The following TSHR variants were observed in gnomAD, a reference collection of about 807,000 sequenced individuals.
TSHR encodes thyroid stimulating hormone receptor.
A neutral mutation model predicts 64.1 loss-of-function variants in TSHR; 51 were observed. That is an observed-to-expected ratio of 0.80 (90% CI 0.64 to 1.01). The LOEUF is 1.01. Ranked by LOEUF, TSHR falls within the 50% of genes least tolerant of loss-of-function variation. The pLI is 0.00. For missense variants in TSHR, 877 were observed against 942.8 expected, an observed-to-expected ratio of 0.93 and a Z score of 0.91; for synonymous variants, 361 against 361.9, an observed-to-expected ratio of 1.00 and a Z score of 0.03.
intron 2 of TSHR, among the ~76,000 whole-genome samples, chr14:81,063,063 G>C (rs1886354874): frequency 6.6e-6 from 1 of 152,148 alleles, no homozygotes; most frequent in Non-Finnish European, 1.5e-5. Context: ...ACATTCTACA[G>C]TTCATAGGAC....
At chr14:81,039,603 T>C (rs1411993627) in intron 1 of TSHR, among the ~76,000 whole-genome samples, 1 of 151,720 alleles carries the variant, frequency 6.6e-6, no homozygotes, top group Non-Finnish European at 1.5e-5. Flanking sequence ...CTATTAGAAC[T>C]AATAAACAAA....
At chr14:81,047,337 C>A (rs1467428722) in intron 1 of TSHR, among the ~76,000 whole-genome samples, 2 of 152,080 alleles carry the variant, frequency 1.3e-5, no homozygotes, top group Non-Finnish European at 2.9e-5. Context: ...CACACACACA[C>A]CCCTCCCCCA....
chr14:80,974,837 T>A (rs762033302), intron 1 of TSHR, among the ~76,000 whole-genome samples: 2 of 152,180 alleles, frequency 1.3e-5, no homozygotes, highest in Non-Finnish European at 2.9e-5. Context: ...AAATATCTGG[T>A]ATAAAGCTAT....
intron 7 of TSHR, chr14:81,104,805 AT>A: frequency 1.0e-6 from 1 of 985,416 alleles, no homozygotes; most frequent in Non-Finnish European, 1.2e-6. Context: ...ATGTATGGAA[AT>A]CTGACATCTC....
At chr14:81,057,050 G>A (rs571267098) in intron 1 of TSHR, among the ~76,000 whole-genome samples, 1 of 152,294 alleles carries the variant, frequency 6.6e-6, no homozygotes, top group Admixed American at 6.5e-5. Flanking sequence ...TATGCTTGCT[G>A]TATTCTTTCA....
At chr14:81,033,126 C>A in intron 1 of TSHR, 1 of 363,552 alleles carries the variant, frequency 2.8e-6, no homozygotes. Context: ...AGAAATTCAT[C>A]TATGAATCTG....
chr14:81,128,341 C>T (rs1262527883), intron 8 of TSHR, among the ~76,000 whole-genome samples: 2 of 152,084 alleles, frequency 1.3e-5, no homozygotes, highest in South Asian at 2.1e-4. Flanking sequence ...GTAAGTCCCC[C>T]GAGGTCACCT....
chr14:81,108,151 G>A (rs923078614), intron 7 of TSHR, among the ~76,000 whole-genome samples: 1 of 151,966 alleles, frequency 6.6e-6, no homozygotes, highest in African/African-American at 2.4e-5. Context: ...TCATAAACAT[G>A]CTCATTTTCA....
intron 1 of TSHR, among the ~76,000 whole-genome samples, chr14:80,958,601 G>C (rs913404952): frequency 5.3e-5 from 8 of 152,194 alleles, no homozygotes; most frequent in Admixed American, 3.3e-4. Context: ...GAGAGTGGAA[G>C]AGAGGCAAGG....
intron 8 of TSHR, among the ~76,000 whole-genome samples, chr14:81,111,785 C>T (rs1199600480): frequency 5.3e-5 from 8 of 152,030 alleles, no homozygotes; most frequent in African/African-American, 1.5e-4. Flanking sequence ...TATTATAATG[C>T]CCAAAACACA....
intron 1 of TSHR, among the ~76,000 whole-genome samples, chr14:81,042,231 G>A (rs1884956493): frequency 6.6e-6 from 1 of 152,098 alleles, no homozygotes; most frequent in Non-Finnish European, 1.5e-5. Flanking sequence ...ACAGTATGAA[G>A]TTTCCTCAAA....
chr14:80,977,005 G>T (rs908572789), intron 1 of TSHR, among the ~76,000 whole-genome samples: 1 of 152,232 alleles, frequency 6.6e-6, no homozygotes, highest in Non-Finnish European at 1.5e-5. Flanking sequence ...TTGGCATTCC[G>T]GTTGTGCCTT....
intron 1 of TSHR, among the ~76,000 whole-genome samples, chr14:80,974,108 G>A (rs1032665308): frequency 5.9e-5 from 9 of 152,194 alleles, no homozygotes; most frequent in African/African-American, 1.7e-4. Context: ...CTTGATCACA[G>A]GTTAGCTATT....
chr14:81,044,675 C>A (rs200640403), intron 1 of TSHR, among the ~76,000 whole-genome samples: 12,082 of 133,104 alleles, frequency 0.091, 706 homozygotes, highest in South Asian at 0.17. Context: ...AAAAAAAAAA[C>A]ACACACACAC....
chr14:80,976,170 C>CA (rs1384002396), intron 1 of TSHR, among the ~76,000 whole-genome samples: 1 of 152,224 alleles, frequency 6.6e-6, no homozygotes, highest in African/African-American at 2.4e-5. Context: ...CTCGGCCTCC[C>CA]AAAGTGCTGG....
Position 81,091,048 on chromosome 14 carries a change from CT to C in TSHR, c.393-20del. On this transcript the variant is annotated intron_variant, in intron 4 of 9. Coordinates refer to ENST00000298171, the MANE Select transcript of TSHR (RefSeq NM_000369.5). ...TTACCTAAATTCTATGCTTTTTTTT[CT>C]CTTTTTTTCATTAATTTAGTGGCAT... 1 of 1,596,970 alleles carries C rather than the reference CT, an allele frequency of 6.3e-7. No individual in the cohort carries two copies. The highest frequency in any genetic ancestry group is 8.6e-7 in the Non-Finnish European group (1 of 1,169,540).
chr14:81,110,959 A>T (rs565342490), intron 8 of TSHR, among the ~76,000 whole-genome samples: 2 of 152,344 alleles, frequency 1.3e-5, no homozygotes, highest in Non-Finnish European at 1.5e-5. Context: ...AACTTTAAAA[A>T]ATATATATTA....
At chr14:80,973,429 A>AAAAAAAAAAAAAAAC (rs1566743346) in intron 1 of TSHR, among the ~76,000 whole-genome samples, 1 of 146,234 alleles carries the variant, frequency 6.8e-6, no homozygotes, top group Non-Finnish European at 1.5e-5. Flanking sequence ...AAAAAAAAAA[A>AAAAAAAAAAAAAAAC]TCTGTGTACT....
chr14:81,012,892 G>A (rs1281922558), intron 1 of TSHR: 2 of 152,188 alleles, frequency 1.3e-5, no homozygotes, highest in African/African-American at 4.8e-5. Context: ...TTTGTAGGTT[G>A]CCTGTTCACT....
Sources: allele counts gnomAD v4.1 joint callset (sites outside exome capture counted in the v4.1 genomes callset), GRCh38; gene constraint gnomAD v4.1.1; transcripts MANE v1.5; gene names NCBI Gene and HGNC (gene_info 2026-07-23, HGNC 2026-07-21).